The following NRK variants were observed in gnomAD, a reference collection of about 807,000 sequenced individuals.
NRK encodes Nik related kinase.
NRK carries 67 observed loss-of-function variants against 125.2 expected under a neutral mutation model. The ratio of observed to expected loss-of-function variants is 0.54; its 90% CI spans 0.44 to 0.66. NRK has a LOEUF of 0.66. Ranked by LOEUF, NRK falls within the 30% of genes least tolerant of loss-of-function variation. The pLI is 0.00. For missense variants in NRK, 1,224 were observed against 1,192.9 expected (o/e 1.03, Z -0.38); for synonymous variants, 458 against 429.0 (o/e 1.07, Z -0.84).
intron 26 of NRK, among the ~76,000 whole-genome samples, chrX:105,946,767 G>A (rs767201637): frequency 1.8e-5 from 2 of 111,503 alleles, no homozygotes; most frequent in African/African-American, 6.5e-5. Flanking sequence ...TACATCAGAA[G>A]ACCAGATAGC....
chrX:105,905,885 A>G (rs1270975912), intron 10 of NRK, among the ~76,000 whole-genome samples: 1 of 112,142 alleles, frequency 8.9e-6, no homozygotes, highest in Admixed American at 9.4e-5. Context: ...AACATTCTGC[A>G]TTGGAATTCA....
At chrX:105,915,691 AT>A in intron 14 of NRK, 38 bp from the exon 15 acceptor site, 1 of 770,867 alleles carries the variant, frequency 1.3e-6, no homozygotes, top group East Asian at 3.2e-5. Context: ...ACAATTTATG[AT>A]CAAGAATTCT....
intron 1 of NRK, among the ~76,000 whole-genome samples, chrX:105,823,916 A>G (rs2147626170): frequency 8.9e-6 from 1 of 112,523 alleles, no homozygotes; most frequent in East Asian, 2.8e-4. Context: ...TTGCTTTGAA[A>G]AAAGCTAAAT....
intron 2 of NRK, among the ~76,000 whole-genome samples, chrX:105,864,835 G>A (rs929858089): frequency 5.4e-5 from 6 of 110,733 alleles, no homozygotes; most frequent in Admixed American, 3.9e-4. Context: ...GAATTTTCAG[G>A]GGAATAAACT....
chrX:105,878,797 T>G (rs925142724), intron 2 of NRK, among the ~76,000 whole-genome samples: 4 of 111,776 alleles, frequency 3.6e-5, no homozygotes, highest in African/African-American at 1.3e-4. Context: ...TACTAGTCTC[T>G]GAACCCTATC....
At chrX:105,888,083 C>T (rs188265884) in intron 4 of NRK, among the ~76,000 whole-genome samples, 88 of 112,407 alleles carry the variant, frequency 7.8e-4, no homozygotes, top group African/African-American at 2.6e-3. Context: ...CTGAACTAAA[C>T]GATCTTCAGT....
chrX:105,885,798 TAAC>T (rs1326695620), intron 4 of NRK, among the ~76,000 whole-genome samples: 1 of 112,047 alleles, frequency 8.9e-6, no homozygotes, highest in African/African-American at 3.2e-5. Flanking sequence ...AGAAGTCAAA[TAAC>T]AATGATATTT....
intron 8 of NRK, 119 bp downstream of exon 8, chrX:105,898,833 G>A (rs2040119673): frequency 7.6e-6 from 4 of 523,401 alleles, no homozygotes; most frequent in Admixed American, 1.0e-4. Flanking sequence ...TACATTAAAT[G>A]CTAGTAGGAA....
At chrX:105,921,870 GA>G (rs2040454346) in intron 16 of NRK, 93 bp from the exon 17 acceptor site, 6 of 337,539 alleles carry the variant, frequency 1.8e-5, no homozygotes, top group Non-Finnish European at 2.0e-5. Flanking sequence ...AAAAAAAAAA[GA>G]AAAAAAACCA....
chrX:105,822,200 A>G (rs982690784), upstream of NRK, among the ~76,000 whole-genome samples: 6 of 111,166 alleles, frequency 5.4e-5, no homozygotes, highest in African/African-American at 2.0e-4. Flanking sequence ...CCAGACTGGG[A>G]GCGGCGCGGA....
intron 19 of NRK, among the ~76,000 whole-genome samples, chrX:105,933,232 A>G (rs753475560): frequency 9.0e-6 from 1 of 111,152 alleles, no homozygotes; most frequent in Non-Finnish European, 1.9e-5. Context: ...TAAAGACATT[A>G]AAACAGGATG....
chrX:105,946,585 A>G, intron 26 of NRK, 121 bp downstream of exon 26: 1 of 517,922 alleles, frequency 1.9e-6, no homozygotes, highest in Non-Finnish European at 3.1e-6. Context: ...GAACTGAGAC[A>G]TAAAAGGTAA....
chrX:105,955,805 A>G lies in NRK; in HGVS notation c.*205A>G, dbSNP rs1175034991. ...ACTATAGCAAGCTCTAGGTACTCCAATGGTGTACAATGTCTTTTGCACAAA... is the reference window on the plus strand; with the variant it reads ...ACTATAGCAAGCTCTAGGTACTCCAGTGGTGTACAATGTCTTTTGCACAAA... On this transcript the variant is annotated 3_prime_UTR_variant, in exon 29 of 29. Coordinates refer to ENST00000243300, the MANE Select transcript of NRK (RefSeq NM_198465.4). The G allele has an allele frequency of 1.2e-5, 4 of 327,824 alleles. No homozygotes were observed. The highest frequency in any genetic ancestry group is 4.8e-5 in the Admixed American group (1 of 20,636). 27.0% of individuals were successfully genotyped at this position (327,824 alleles called of 1,213,427 possible). A position where few individuals can be genotyped will look rare whatever the true frequency, so the allele number is the denominator to read the frequency against.
rs1350190738 is a variant in NRK, at chrX:105,946,369, G to A, written c.4258G>A (p.Glu1420Lys). Residue 1420 changes from glutamate to lysine, a missense_variant, in exon 26 of 29, where the codon GAA (glutamate) becomes AAA (lysine). Coordinates refer to ENST00000243300, the MANE Select transcript of NRK (RefSeq NM_198465.4). Reference protein sequence around the residue: ...PVTVDLAIGSEKRLKIFFSSA... With the variant: ...PVTVDLAIGSKKRLKIFFSSA... The stretch of plus-strand genomic sequence containing the variant: ...GACAGTTGACCTGGCTATTGGTTCT[G>A]AAAAAAGACTAAAGATTTTCTTCAG... 4 of 1,195,491 alleles carry A rather than the reference G, an allele frequency of 3.3e-6. No individual in the cohort carries two copies. Among genetic ancestry groups the A allele is most frequent in the Non-Finnish European group, 4.5e-6 (4 of 882,364 alleles).
intron 13 of NRK, among the ~76,000 whole-genome samples, chrX:105,910,156 G>A (rs1179129397): frequency 9.0e-6 from 1 of 111,389 alleles, no homozygotes; most frequent in Non-Finnish European, 1.9e-5. Flanking sequence ...AAGTGTCAAC[G>A]AATGCACATT....
At chrX:105,908,152 A>C in intron 11 of NRK, 88 bp from the exon 12 acceptor site, 1 of 523,533 alleles carries the variant, frequency 1.9e-6, no homozygotes, top group Non-Finnish European at 3.1e-6. Flanking sequence ...CCACATCCTA[A>C]GAAGCAGAGG....
intron 1 of NRK, among the ~76,000 whole-genome samples, chrX:105,825,318 A>G (rs1449486048): frequency 1.8e-5 from 2 of 112,376 alleles, no homozygotes; most frequent in Non-Finnish European, 1.9e-5. Flanking sequence ...ATTATCCTCA[A>G]TAGGACATAT....
intron 2 of NRK, among the ~76,000 whole-genome samples, chrX:105,863,833 C>T (rs2039634699): frequency 8.9e-6 from 1 of 112,018 alleles, no homozygotes; most frequent in South Asian, 3.7e-4. Flanking sequence ...CATTTCCCAT[C>T]ATCTTATGTG....
At chrX:105,898,443 A>G in intron 7 of NRK, 141 bp from the exon 8 acceptor site, 1 of 477,497 alleles carries the variant, frequency 2.1e-6, no homozygotes, top group Non-Finnish European at 3.4e-6. Context: ...CCTGGAGTAG[A>G]CTTCATGGTA....
Sources: allele counts gnomAD v4.1 joint callset (sites outside exome capture counted in the v4.1 genomes callset), GRCh38; gene constraint gnomAD v4.1.1; transcripts MANE v1.5; gene names NCBI Gene and HGNC (gene_info 2026-07-23, HGNC 2026-07-21).